Variants in ASRGL1 observed in about 807,000 individuals in gnomAD.
ASRGL1 encodes asparaginase and isoaspartyl peptidase 1.
A neutral mutation model predicts 22.4 loss-of-function variants in ASRGL1; 16 were observed. The observed-to-expected ratio is 0.71, with a 90% CI of 0.48 to 1.08. The LOEUF (loss-of-function observed/expected upper bound fraction) is 1.08, where lower values mean the gene tolerates loss of function less well. Ranked by LOEUF, ASRGL1 falls within the 50% of genes least tolerant of loss-of-function variation. The probability of loss-of-function intolerance (pLI) is 0.00; values close to 1 mark genes in which losing one functional copy is unlikely to be tolerated. For missense variants in ASRGL1, 412 were observed against 410.1 expected (o/e 1.00, Z -0.04); for synonymous variants, 165 against 159.3 (o/e 1.04, Z -0.27).
At chr11:62,367,517 G>T (rs552046550) in intron 4 of ASRGL1, among the ~76,000 whole-genome samples, 1 of 151,766 alleles carries the variant, frequency 6.6e-6, no homozygotes, top group South Asian at 2.1e-4. Context: ...GGTGGCGCAT[G>T]CCTGTAATTC....
chr11:62,357,416 AT>A (rs1342638247), intron 4 of ASRGL1, among the ~76,000 whole-genome samples: 5,121 of 100,392 alleles, frequency 0.051, 124 homozygotes, highest in Middle Eastern at 0.092. Flanking sequence ...CACCCGGCTC[AT>A]TTTTTTTTTT....
At chr11:62,364,552 A>G (rs1194503610) in intron 4 of ASRGL1, among the ~76,000 whole-genome samples, 1 of 152,212 alleles carries the variant, frequency 6.6e-6, no homozygotes, top group Non-Finnish European at 1.5e-5. Context: ...TTCCATGTTC[A>G]TTGCAGCATT....
chr11:62,371,001 T>C, intron 4 of ASRGL1: 1 of 433,740 alleles, frequency 2.3e-6, no homozygotes, highest in Non-Finnish European at 4.0e-6. Context: ...TCCTGGCGCA[T>C]TTTTAAGTGT....
At chr11:62,378,611 C>T (rs758240941) in intron 4 of ASRGL1, among the ~76,000 whole-genome samples, 6 of 152,096 alleles carry the variant, frequency 3.9e-5, no homozygotes, top group South Asian at 4.1e-4. Flanking sequence ...GAGGGCAACC[C>T]GGGTTGGAGA....
chr11:62,371,305 C>T, intron 4 of ASRGL1: 4 of 1,381,538 alleles, frequency 2.9e-6, no homozygotes, highest in Non-Finnish European at 3.8e-6. Flanking sequence ...CGAGGACGGC[C>T]TGGAGCTCGA....
intron 1 of ASRGL1, 34 bp from the exon 2 acceptor site, chr11:62,337,856 C>G (rs766914137): frequency 7.3e-6 from 8 of 1,095,548 alleles, no homozygotes; most frequent in Non-Finnish European, 8.8e-6. Context: ...CGAACCCAGC[C>G]GTTCAGAACA....
intron 2 of ASRGL1, among the ~76,000 whole-genome samples, chr11:62,353,775 C>G (rs976939197): frequency 3.9e-5 from 6 of 152,096 alleles, no homozygotes; most frequent in Non-Finnish European, 4.4e-5. Flanking sequence ...CTGTTGTATT[C>G]TAGACATTTT....
At chr11:62,351,355 A>G (rs1354363317) in intron 2 of ASRGL1, among the ~76,000 whole-genome samples, 1 of 152,174 alleles carries the variant, frequency 6.6e-6, no homozygotes, top group Non-Finnish European at 1.5e-5. Context: ...CCAATGTTCC[A>G]AGATTCCTTT....
chr11:62,350,786 ACT>A (rs771283489), intron 2 of ASRGL1, among the ~76,000 whole-genome samples: 27 of 152,190 alleles, frequency 1.8e-4, no homozygotes, highest in Admixed American at 8.5e-4. Context: ...ACAGAGCAAG[ACT>A]CTGTCTCAAA....
chr11:62,350,359 C>A (rs1482249577), intron 2 of ASRGL1, among the ~76,000 whole-genome samples: 1 of 152,140 alleles, frequency 6.6e-6, no homozygotes, highest in Non-Finnish European at 1.5e-5. Flanking sequence ...TTGGTTGTTT[C>A]TAGTTTGGGA....
intron 4 of ASRGL1, among the ~76,000 whole-genome samples, chr11:62,366,239 G>A (rs538906066): frequency 3.0e-4 from 42 of 140,222 alleles, no homozygotes; most frequent in Admixed American, 1.5e-3. Flanking sequence ...TCCAGCCTGC[G>A]CCACAGAGCA....
intron 3 of ASRGL1, 83 bp from the exon 4 acceptor site, chr11:62,356,904 A>C: frequency 1.4e-6 from 2 of 1,441,404 alleles, no homozygotes; most frequent in Non-Finnish European, 1.9e-6. Context: ...AGAGAGAAGT[A>C]ATTATTTCAA....
intron 4 of ASRGL1, among the ~76,000 whole-genome samples, chr11:62,384,244 C>T (rs2134690470): frequency 6.6e-6 from 1 of 152,200 alleles, no homozygotes; most frequent in South Asian, 2.1e-4. Flanking sequence ...GTGGCTCACA[C>T]CTTTAATCCC....
At chr11:62,396,229 T>G (rs1233035624), downstream of ASRGL1, among the ~76,000 whole-genome samples, 8 of 133,826 alleles carry the variant, frequency 6.0e-5, no homozygotes, top group East Asian at 4.1e-4. Context: ...GGAATGGGGG[T>G]GGGAGTATGG....
At chr11:62,400,819 A>G in the ASRGL1 span, among the ~76,000 whole-genome samples, 1 of 152,134 alleles carries the variant, frequency 6.6e-6, no homozygotes, top group Non-Finnish European at 1.5e-5. Context: ...CTGGGTCACA[A>G]CCAGTTAAGT....
chr11:62,399,016 G>A, the ASRGL1 span, among the ~76,000 whole-genome samples: 1 of 152,026 alleles, frequency 6.6e-6, no homozygotes, highest in Non-Finnish European at 1.5e-5. Context: ...TAAAAATACA[G>A]AATTAGCTGG....
At chr11:62,385,710 C>T (rs1314640981) in intron 4 of ASRGL1, among the ~76,000 whole-genome samples, 1 of 150,352 alleles carries the variant, frequency 6.7e-6, no homozygotes, top group Non-Finnish European at 1.5e-5. Flanking sequence ...ACTAAAAATA[C>T]AAAATTAGTC....
In ASRGL1 at chr11:62,352,692, C is replaced by T. The variant is rs74897600; in HGVS notation, c.191-3633C>T. On this transcript the variant is annotated intron_variant, in intron 2 of 6. Coordinates refer to ENST00000415229, the MANE Select transcript of ASRGL1 (RefSeq NM_001083926.2). ...CTCCTTCATTCCTGAAGGATATTTG[C>T]GGAATAAAGAATTCTGAATTTATAG... 3.9e-3 allele frequency among the ~76,000 whole-genome samples: 591 copies of T among 152,256 alleles called. 25 individuals are homozygous for T. In the East Asian group the frequency reaches 0.096, roughly 25 times the overall value.
At chr11:62,372,109 C>G (rs1212827581) in intron 4 of ASRGL1, 25 of 791,040 alleles carry the variant, frequency 3.2e-5, no homozygotes, top group Non-Finnish European at 5.5e-5. Context: ...TCCTCATCAC[C>G]ACAGAAGGAA....
Sources: allele counts gnomAD v4.1 joint callset (sites outside exome capture counted in the v4.1 genomes callset), GRCh38; gene constraint gnomAD v4.1.1; transcripts MANE v1.5; gene names NCBI Gene and HGNC (gene_info 2026-07-23, HGNC 2026-07-21).